Variants in CBFA2T2 observed in about 807,000 individuals in gnomAD.
CBFA2T2 encodes the protein CBFA2/RUNX1 partner transcriptional co-repressor 2, also known as protein CBFA2T2.
A neutral mutation model predicts 62.2 loss-of-function variants in CBFA2T2; 11 were observed. The ratio of observed to expected loss-of-function variants is 0.18; its 90% CI spans 0.11 to 0.29. CBFA2T2 has a LOEUF of 0.29. Among genes scored for constraint, CBFA2T2 ranks in the 10% least tolerant of loss-of-function variants. The pLI, the probability that CBFA2T2 is intolerant of heterozygous loss-of-function variation, is 1.00. For missense variants in CBFA2T2, 592 were observed against 774.1 expected, an observed-to-expected ratio of 0.76 and a Z score of 2.79; for synonymous variants, 295 against 287.5, an observed-to-expected ratio of 1.03 and a Z score of -0.27.
At chr20:33,494,243 G>GTGTGTATATATATATATATATA (rs1491431819) in intron 1 of CBFA2T2, among the ~76,000 whole-genome samples, 1 of 30,308 alleles carries the variant, frequency 3.3e-5, no homozygotes, top group African/African-American at 1.1e-4. Context: ...ATATATATGT[G>GTGTGTATATATATATATATATA]TATATATATA....
In CBFA2T2 at chr20:33,646,699, A is replaced by AG. The variant is rs1220980995; in HGVS notation, c.*2053_*2054insG. ...GGTGAAACCCTGTCTCTAATAAAAA[A>AG]AAAATAGAAAAATCAGCCGGGTGTG... On this transcript the variant is annotated 3_prime_UTR_variant, in exon 11 of 11. Transcript: ENST00000342704. The AG allele has an allele frequency of 6.6e-6, 1 of 151,924 alleles. No homozygotes were observed. Among genetic ancestry groups the AG allele is most frequent in the African/African-American group, 2.4e-5 (1 of 41,376 alleles). The allele number at this position is 151,924 out of a possible 1,614,324, so 9.4% of individuals were successfully genotyped here.
rs967230217 is a variant in CBFA2T2 at position 33,648,168 on chromosome 20, G to A, written c.*3522G>A. Reference sequence around the variant, plus strand: ...GTTCATATTTGCAGTGACATAAAAGGCAAAGAGGAGCTGGCATGGTGGTAC... The same window carrying A: ...GTTCATATTTGCAGTGACATAAAAGACAAAGAGGAGCTGGCATGGTGGTAC... On this transcript the variant is annotated 3_prime_UTR_variant, in exon 11 of 11. Transcript: ENST00000342704. 2 of 152,238 alleles carry A rather than the reference G, an allele frequency of 1.3e-5. No homozygotes were observed. The highest frequency in any genetic ancestry group is 2.9e-5 in the Non-Finnish European group (2 of 68,060). 9.4% of individuals were successfully genotyped at this position (152,238 alleles called of 1,614,324 possible). A position where few individuals can be genotyped will look rare whatever the true frequency, so the allele number is the denominator to read the frequency against.
At chr20:33,594,615 G>A (rs949732310) in intron 1 of CBFA2T2, among the ~76,000 whole-genome samples, 3 of 152,062 alleles carry the variant, frequency 2.0e-5, no homozygotes, top group African/African-American at 4.8e-5. Context: ...TTTTTGAATC[G>A]TAGGAAAGCC....
At chr20:33,638,042 T>C (rs1281567953) in intron 9 of CBFA2T2, among the ~76,000 whole-genome samples, 1 of 134,476 alleles carries the variant, frequency 7.4e-6, no homozygotes, top group East Asian at 2.5e-4. Flanking sequence ...TGGCACAATC[T>C]CAGCTCACTG....
At chr20:33,574,202 T>C (rs2013712588) in intron 1 of CBFA2T2, 1 of 1,613,322 alleles carries the variant, frequency 6.2e-7, no homozygotes, top group African/African-American at 1.3e-5. Flanking sequence ...ACCAGGTGAA[T>C]GGCTAAAGAA....
chr20:33,644,445 G>C lies in CBFA2T2; in HGVS notation c.1587G>C (p.Arg529=). 1 of 1,614,202 alleles carries C rather than the reference G, an allele frequency of 6.2e-7. No homozygotes were observed. The highest frequency in any genetic ancestry group is 8.5e-7 in the Non-Finnish European group (1 of 1,180,028). The part of the protein sequence containing the change: ...GSFCQHKDWE[R]HHRLCGQNLH... ...TCTGCCAGCACAAGGACTGGGAGCG[G>C]CACCACCGCCTCTGTGGTCAGAACC... The change falls in exon 11 of 11, where the codon CGG becomes CGC. Residue 529 remains arginine, a synonymous_variant. Transcript: ENST00000342704.
intron 10 of CBFA2T2, among the ~76,000 whole-genome samples, chr20:33,641,935 T>C (rs2016856275): frequency 6.6e-6 from 1 of 152,108 alleles, no homozygotes; most frequent in South Asian, 2.1e-4. Context: ...CATTTCAGTA[T>C]TGTACTGTCA....
At chr20:33,635,378 G>A (rs73904720) in intron 8 of CBFA2T2, among the ~76,000 whole-genome samples, 15 of 152,218 alleles carry the variant, frequency 9.9e-5, no homozygotes, top group African/African-American at 3.6e-4. Flanking sequence ...TCCTGAAAGA[G>A]GATCCAACAC....
chr20:33,622,817 A>T (rs1026364500), intron 4 of CBFA2T2, among the ~76,000 whole-genome samples: 1 of 152,244 alleles, frequency 6.6e-6, no homozygotes, highest in Non-Finnish European at 1.5e-5. Flanking sequence ...ATGTTTTAAA[A>T]TTATTATGTT....
chr20:33,510,863 G>A (rs1292342405), intron 1 of CBFA2T2, among the ~76,000 whole-genome samples: 2 of 152,164 alleles, frequency 1.3e-5, no homozygotes, highest in Non-Finnish European at 2.9e-5. Context: ...TTGTGGTTTT[G>A]TTTTGCATTT....
At chr20:33,566,339 C>T (rs1258719976) in intron 1 of CBFA2T2, among the ~76,000 whole-genome samples, 2 of 152,164 alleles carry the variant, frequency 1.3e-5, no homozygotes, top group Non-Finnish European at 2.9e-5. Context: ...GCGCCAGTAG[C>T]TCACACCTGT....
At chr20:33,533,680 A>AG (rs1371154451) in intron 1 of CBFA2T2, among the ~76,000 whole-genome samples, 1 of 151,998 alleles carries the variant, frequency 6.6e-6, no homozygotes, top group Non-Finnish European at 1.5e-5. Context: ...TAAAAAAAAA[A>AG]GCACAGATGG....
intron 1 of CBFA2T2, among the ~76,000 whole-genome samples, chr20:33,499,010 T>C (rs2011236431): frequency 2.0e-5 from 3 of 151,094 alleles, no homozygotes; most frequent in Non-Finnish European, 4.4e-5. Flanking sequence ...CGCTGCTTCA[T>C]TCCAGCCTGG....
chr20:33,631,307 C>A (rs755240393), intron 8 of CBFA2T2, among the ~76,000 whole-genome samples: 3 of 152,178 alleles, frequency 2.0e-5, no homozygotes, highest in Non-Finnish European at 1.5e-5. Context: ...GAGCAAGACT[C>A]CATCTCAAAA....
At chr20:33,491,191 T>A (rs2011144191) in intron 1 of CBFA2T2, among the ~76,000 whole-genome samples, 1 of 152,172 alleles carries the variant, frequency 6.6e-6, no homozygotes, top group Non-Finnish European at 1.5e-5. Context: ...ATAGCCAACA[T>A]TTTTTTGAGC....
intron 5 of CBFA2T2, chr20:33,623,733 A>G (rs2016091822): frequency 1.4e-6 from 1 of 696,978 alleles, no homozygotes; most frequent in Admixed American, 2.2e-5. Context: ...CCAATGTCTC[A>G]GACTTTCTGT....
At chr20:33,630,187 A>T (rs879859450) in intron 8 of CBFA2T2, among the ~76,000 whole-genome samples, 1 of 152,158 alleles carries the variant, frequency 6.6e-6, no homozygotes, top group Non-Finnish European at 1.5e-5. Context: ...GCCTCAAGCA[A>T]TCCTCCTGCC....
intron 1 of CBFA2T2, among the ~76,000 whole-genome samples, chr20:33,563,648 A>G (rs1427695343): frequency 6.6e-6 from 1 of 152,200 alleles, no homozygotes; most frequent in Non-Finnish European, 1.5e-5. Context: ...TGTAATCTCA[A>G]GCAAGCCACT....
intron 1 of CBFA2T2, among the ~76,000 whole-genome samples, chr20:33,494,112 C>G (rs6088239): frequency 6.6e-6 from 1 of 150,930 alleles, no homozygotes; most frequent in Non-Finnish European, 1.5e-5. Context: ...AACTCCTGAC[C>G]TAAAGTGATC....
Sources: allele counts gnomAD v4.1 joint callset (sites outside exome capture counted in the v4.1 genomes callset), GRCh38; gene constraint gnomAD v4.1.1; transcripts MANE v1.5; gene names NCBI Gene and HGNC (gene_info 2026-07-23, HGNC 2026-07-21).